The following RASSF4 variants were observed in gnomAD, a reference collection of about 807,000 sequenced individuals.
RASSF4 encodes Ras association domain family member 4.
In RASSF4, 38 loss-of-function variants were observed where a neutral mutation model predicts 41.1. That is an observed-to-expected ratio of 0.92 (90% CI 0.71 to 1.21). The LOEUF is 1.21. Among genes scored for constraint, RASSF4 ranks in the 50% most tolerant of loss-of-function variants. The pLI is 0.00. For synonymous variants in RASSF4, 179 were observed against 163.4 expected, an observed-to-expected ratio of 1.10 and a Z score of -0.73; for missense variants, 414 against 419.4, an observed-to-expected ratio of 0.99 and a Z score of 0.11.
chr10:44,964,854 G>A (rs559432089), intron 1 of RASSF4, among the ~76,000 whole-genome samples: 2 of 118,760 alleles, frequency 1.7e-5, no homozygotes, highest in East Asian at 4.4e-4. Context: ...TCCTGTAGAT[G>A]TGATGTCAAA....
chr10:44,993,462 C>A lies in RASSF4; in HGVS notation c.*133C>A. 1.5e-6 allele frequency: 1 copy of A among 678,958 alleles called. No individual in the cohort carries two copies. The highest frequency in any genetic ancestry group is 2.4e-5 in the Admixed American group (1 of 42,128). 42.1% of individuals were successfully genotyped at this position (678,958 alleles called of 1,614,324 possible). A position where few individuals can be genotyped will look rare whatever the true frequency, so the allele number is the denominator to read the frequency against. ...ATCGAGTGCCTGTGTGTCTACCTCT[C>A]TGAAGCCTGAGCACCATGATTCCCA... On this transcript the variant is annotated 3_prime_UTR_variant, in exon 11 of 11. Transcript: ENST00000340258.
intron 9 of RASSF4, among the ~76,000 whole-genome samples, chr10:44,991,571 T>C (rs1164325920): frequency 6.6e-6 from 1 of 152,220 alleles, no homozygotes; most frequent in Non-Finnish European, 1.5e-5. Flanking sequence ...CTGCTGCAAT[T>C]GCATTCCATT....
At chr10:44,973,590 C>T (rs568620011) in intron 3 of RASSF4, among the ~76,000 whole-genome samples, 44 of 152,330 alleles carry the variant, frequency 2.9e-4, no homozygotes, top group Admixed American at 1.8e-3. Flanking sequence ...CCTGCTGAAC[C>T]GAAAACACTT....
At chr10:44,984,214 C>A in intron 5 of RASSF4, 101 bp downstream of exon 5, 1 of 1,218,754 alleles carries the variant, frequency 8.2e-7, no homozygotes, top group Non-Finnish European at 1.1e-6. Flanking sequence ...GCTTTGTGCC[C>A]CAGCCAACGA....
At chr10:44,961,185 T>G (rs1840694799) in intron 1 of RASSF4, among the ~76,000 whole-genome samples, 1 of 152,224 alleles carries the variant, frequency 6.6e-6, no homozygotes, top group South Asian at 2.1e-4. Context: ...ATTCTCTCAG[T>G]GTGTAGTGCT....
rs762616229 is a variant in RASSF4 at position 44,970,273 on chromosome 10, T to A, written c.62+9T>A. On this transcript the variant is annotated intron_variant, in intron 2 of 10. Coordinates refer to ENST00000340258, the MANE Select transcript of RASSF4 (RefSeq NM_032023.4). ...AGCAAGTCCATTCAGAAGTAAGCCTTGGTGTGCAGGTTGGGCGGGGGAGTC... is the reference window on the plus strand; with the variant it reads ...AGCAAGTCCATTCAGAAGTAAGCCTAGGTGTGCAGGTTGGGCGGGGGAGTC... 1.9e-6 allele frequency: 3 copies of A among 1,613,014 alleles called. No homozygotes were observed.
chr10:44,970,096 G>C (rs1220115291), intron 1 of RASSF4, 69 bp from the exon 2 acceptor site: 1 of 884,430 alleles, frequency 1.1e-6, no homozygotes, highest in Non-Finnish European at 1.9e-6. Context: ...AGGGCTGCGG[G>C]TGTTGGGTGC....
chr10:44,960,814 C>A (rs1267370290), intron 1 of RASSF4, among the ~76,000 whole-genome samples: 1 of 152,254 alleles, frequency 6.6e-6, no homozygotes. Context: ...TTTGCACTCA[C>A]AGAGGAGCCC....
chr10:44,982,871 C>T, intron 4 of RASSF4: 1 of 710,766 alleles, frequency 1.4e-6, no homozygotes. Flanking sequence ...TTCCAGGCTC[C>T]CATGACCTCT....
intron 3 of RASSF4, chr10:44,976,597 A>G (rs7013): frequency 0.73 from 111,171 of 152,644 alleles, 40,584 homozygotes; most frequent in Admixed American, 0.78. Flanking sequence ...AGATGCCCTG[A>G]CCTGGGCCTT....
chr10:44,971,133 C>T (rs1841137970), intron 2 of RASSF4: 5 of 264,702 alleles, frequency 1.9e-5, no homozygotes, highest in South Asian at 1.6e-4. Flanking sequence ...GGCCCCACAG[C>T]CCCACAGAGC....
At chr10:44,962,079 G>A (rs1487881522) in intron 1 of RASSF4, among the ~76,000 whole-genome samples, 1 of 152,148 alleles carries the variant, frequency 6.6e-6, no homozygotes, top group East Asian at 1.9e-4. Context: ...GTGTCATTGA[G>A]CCCCATAGCT....
chr10:44,991,101 T>G, intron 9 of RASSF4, 32 bp downstream of exon 9: 2 of 1,594,882 alleles, frequency 1.3e-6, no homozygotes, highest in Non-Finnish European at 1.7e-6. Context: ...GGAGGCCTGC[T>G]CTAGGGTGAG....
intron 2 of RASSF4, chr10:44,971,296 G>A (rs565826437): frequency 2.0e-5 from 7 of 358,014 alleles, no homozygotes; most frequent in East Asian, 7.4e-5. Flanking sequence ...CTTCCACTGC[G>A]CCTTTGGAAA....
Position 44,991,009 on chromosome 10 carries a change from T to G in RASSF4, c.747T>G (p.Cys249Trp). The G allele has an allele frequency of 6.2e-7, 1 of 1,613,822 alleles. No homozygotes were observed. Among genetic ancestry groups the G allele is most frequent in the Non-Finnish European group, 8.5e-7 (1 of 1,179,764 alleles). Residue 249 changes from cysteine (C) to tryptophan (W), a missense_variant, in exon 9 of 11, where the codon TGT becomes TGG. By Grantham distance (215) the Cys-to-Trp change is radical (BLOSUM62 -2). Coordinates refer to ENST00000340258, the MANE Select transcript of RASSF4 (RefSeq NM_032023.4). Reference protein sequence around the residue: ...PLISRILHGPCEKIARIFLME... With the variant: ...PLISRILHGPWEKIARIFLME... Reference sequence around the variant, plus strand: ...TTTCCAGAATCCTGCATGGGCCATGTGAGAAGATCGCCAGGATCTTCCTGA... The same window carrying G: ...TTTCCAGAATCCTGCATGGGCCATGGGAGAAGATCGCCAGGATCTTCCTGA...
At chr10:44,967,246 C>G (rs1451729454) in intron 1 of RASSF4, among the ~76,000 whole-genome samples, 2 of 152,168 alleles carry the variant, frequency 1.3e-5, no homozygotes, top group South Asian at 2.1e-4. Flanking sequence ...TCTGGGTCAC[C>G]ACGGTGGAGA....
intron 3 of RASSF4, among the ~76,000 whole-genome samples, chr10:44,974,110 G>A (rs546425944): frequency 2.0e-5 from 3 of 152,168 alleles, no homozygotes; most frequent in African/African-American, 7.2e-5. Flanking sequence ...CTGGTCCCTG[G>A]GGCACCAAGC....
Position 44,993,287 on chromosome 10 carries a change from G to T in RASSF4, c.924G>T (p.Leu308=). The stretch of plus-strand genomic sequence containing the variant: ...CCTCCAGGTTCCAAGCCCTGCGTCT[G>T]ACGATGCTGCAGCGCCTGGAGCAGC... ...KLTMKFQALR[L]TMLQRLEQLV... The change falls in exon 11 of 11, where the codon CTG becomes CTT. Residue 308 remains leucine (L), a synonymous_variant. Transcript: ENST00000340258. 1 of 1,609,260 alleles carries T rather than the reference G, an allele frequency of 6.2e-7. No individual in the cohort carries two copies.
intron 1 of RASSF4, among the ~76,000 whole-genome samples, chr10:44,964,298 G>C (rs1346872200): frequency 6.6e-6 from 1 of 152,250 alleles, no homozygotes; most frequent in Non-Finnish European, 1.5e-5. Context: ...GGCTGCAGCT[G>C]ATCACTCTGG....
Sources: allele counts gnomAD v4.1 joint callset (sites outside exome capture counted in the v4.1 genomes callset), GRCh38; gene constraint gnomAD v4.1.1; transcripts MANE v1.5; gene names NCBI Gene and HGNC (gene_info 2026-07-23, HGNC 2026-07-21).